PLPPR1: variants seen among roughly 807,000 people sequenced by gnomAD.
The protein encoded by PLPPR1 is phospholipid phosphatase-related protein type 1.
Under a neutral mutation model 33.1 loss-of-function variants are expected in PLPPR1, and 10 were observed. The ratio of observed to expected loss-of-function variants is 0.30; its 90% CI spans 0.19 to 0.51. The LOEUF (loss-of-function observed/expected upper bound fraction) is 0.51, where lower values mean the gene tolerates loss of function less well. PLPPR1 is among the 20% of genes least tolerant of loss of function. PLPPR1 has a pLI of 0.97. For synonymous variants in PLPPR1, 151 were observed against 151.0 expected, an observed-to-expected ratio of 1.00 and a Z score of 0.00; for missense variants, 304 against 408.1, an observed-to-expected ratio of 0.74 and a Z score of 2.20.
At chr9:101,032,600 G>C (rs911798034) in intron 1 of PLPPR1, among the ~76,000 whole-genome samples, 7 of 152,018 alleles carry the variant, frequency 4.6e-5, no homozygotes, top group African/African-American at 1.7e-4. Flanking sequence ...ATGGAGTAGG[G>C]ACCCAATAAA....
intron 1 of PLPPR1, among the ~76,000 whole-genome samples, chr9:101,082,212 T>C (rs1350117236): frequency 1.3e-5 from 2 of 152,200 alleles, no homozygotes; most frequent in Non-Finnish European, 2.9e-5. Context: ...CAATTTCTTG[T>C]TGAAAAAGTG....
At chr9:101,122,335 A>G (rs1831189038) in intron 1 of PLPPR1, among the ~76,000 whole-genome samples, 1 of 152,184 alleles carries the variant, frequency 6.6e-6, no homozygotes, top group African/African-American at 2.4e-5. Context: ...GACTGTCTAC[A>G]ATTGTTGGTT....
At chr9:101,291,267 G>T (rs1828499805) in intron 4 of PLPPR1, among the ~76,000 whole-genome samples, 1 of 152,242 alleles carries the variant, frequency 6.6e-6, no homozygotes, top group South Asian at 2.1e-4. Context: ...GGCTTGCTTA[G>T]GTAAACAAAG....
chr9:101,270,369 T>C (rs1828073577), intron 3 of PLPPR1, among the ~76,000 whole-genome samples: 2 of 152,234 alleles, frequency 1.3e-5, no homozygotes, highest in Non-Finnish European at 1.5e-5. Context: ...AGAACAGCTA[T>C]TGTCCTCTTG....
At chr9:101,320,885 A>G (rs147696389) in intron 7 of PLPPR1, among the ~76,000 whole-genome samples, 94 of 152,234 alleles carry the variant, frequency 6.2e-4, no homozygotes, top group African/African-American at 2.2e-3. Context: ...CCCATCCAAT[A>G]CTGAGGCCCT....
At chr9:101,275,134 C>T (rs1438634143) in intron 3 of PLPPR1, among the ~76,000 whole-genome samples, 2 of 152,154 alleles carry the variant, frequency 1.3e-5, no homozygotes, top group African/African-American at 2.4e-5. Flanking sequence ...TGAAGCGTGA[C>T]GCCTCTTGGG....
At chr9:101,279,365 C>T (rs1411399591) in intron 3 of PLPPR1, among the ~76,000 whole-genome samples, 3 of 152,130 alleles carry the variant, frequency 2.0e-5, no homozygotes, top group Admixed American at 2.0e-4. Context: ...AGAGATAGAC[C>T]TCAATGCAAA....
At chr9:101,082,708 T>A (rs943854362) in intron 1 of PLPPR1, among the ~76,000 whole-genome samples, 1 of 152,182 alleles carries the variant, frequency 6.6e-6, no homozygotes, top group Admixed American at 6.5e-5. Context: ...GCAAGGATTT[T>A]CCAGTCCCAT....
rs1564037364 is a variant in PLPPR1, at chr9:101,317,497, G to C, written c.945+1G>C. ...CCCTCTGGAAACCTTAAGTGCACAG[G>C]TATGGTAAAGCAGTTTTAGCAAACC... On this transcript the variant is annotated splice_donor_variant, in intron 7 of 7. Coordinates refer to ENST00000374874, the MANE Select transcript of PLPPR1 (RefSeq NM_207299.2). LOFTEE classifies it high-confidence loss of function. 2 of 1,612,142 alleles carry C rather than the reference G, an allele frequency of 1.2e-6. No homozygotes were observed. The highest frequency in any genetic ancestry group is 1.7e-6 in the Non-Finnish European group (2 of 1,179,426).
At chr9:101,047,591 A>G (rs1830169065) in intron 1 of PLPPR1, among the ~76,000 whole-genome samples, 1 of 152,124 alleles carries the variant, frequency 6.6e-6, no homozygotes, top group African/African-American at 2.4e-5. Context: ...GTAACCTTAC[A>G]ATGGTATCAT....
chr9:101,094,947 C>T (rs1830796736), intron 1 of PLPPR1, among the ~76,000 whole-genome samples: 1 of 152,184 alleles, frequency 6.6e-6, no homozygotes, highest in African/African-American at 2.4e-5. Flanking sequence ...CCCCCATCCT[C>T]TTCCCTAGTG....
chr9:101,076,642 A>C (rs1830540348), intron 1 of PLPPR1, among the ~76,000 whole-genome samples: 1 of 152,224 alleles, frequency 6.6e-6, no homozygotes, highest in African/African-American at 2.4e-5. Context: ...TAATGTCTTA[A>C]ATAAGGCAGA....
chr9:101,309,248 T>G lies in PLPPR1; in HGVS notation c.423T>G (p.Phe141Leu). The G allele has an allele frequency of 6.2e-7, 1 of 1,614,184 alleles. No homozygotes were observed. The highest frequency in any genetic ancestry group is 8.5e-7 in the Non-Finnish European group (1 of 1,180,012). The change falls in exon 5 of 8, where the codon TTT becomes TTG. Residue 141 changes from phenylalanine (F) to leucine (L), a missense_variant. Physicochemically the swap from Phe to Leu is conservative, Grantham distance 22. Coordinates refer to ENST00000374874, the MANE Select transcript of PLPPR1 (RefSeq NM_207299.2). ...FAFGLFATDI[F>L]VNAGQVVTGH... ...TTGGACTTTTTGCTACTGACATTTTTGTAAACGCCGGACAAGTGGTCACTG... is the reference window on the plus strand; with the variant it reads ...TTGGACTTTTTGCTACTGACATTTTGGTAAACGCCGGACAAGTGGTCACTG...
At chr9:101,176,690 C>T (rs1297664773) in intron 1 of PLPPR1, among the ~76,000 whole-genome samples, 1 of 152,166 alleles carries the variant, frequency 6.6e-6, no homozygotes, top group Non-Finnish European at 1.5e-5. Context: ...TAGACTTCAC[C>T]TTCACATGGC....
intron 2 of PLPPR1, among the ~76,000 whole-genome samples, chr9:101,240,842 G>A (rs1233592435): frequency 6.6e-6 from 1 of 152,040 alleles, no homozygotes; most frequent in African/African-American, 2.4e-5. Context: ...GCCACTTCAG[G>A]CAGATGTAGA....
intron 1 of PLPPR1, among the ~76,000 whole-genome samples, chr9:101,110,286 T>C (rs915490401): frequency 6.6e-6 from 1 of 152,080 alleles, no homozygotes; most frequent in African/African-American, 2.4e-5. Context: ...ACAACAAAAA[T>C]AATACAGTTT....
At chr9:101,079,931 T>A (rs1830598443) in intron 1 of PLPPR1, among the ~76,000 whole-genome samples, 1 of 152,232 alleles carries the variant, frequency 6.6e-6, no homozygotes, top group South Asian at 2.1e-4. Context: ...TGGAAGTTTC[T>A]GGCATCTTTT....
rs748615734 is a variant in PLPPR1 at position 101,181,169 on chromosome 9, A to AAT, written c.-45-4272_-45-4271dup. Among the ~76,000 whole-genome samples, 32 of 147,504 alleles carry AAT rather than the reference A, an allele frequency of 2.2e-4. No homozygotes were observed. In the East Asian group the frequency reaches 5.9e-3, roughly 27 times the overall value. ...TATATTAGATATGTAATATATATCT[A>AAT]ATATATATATTTATAAATTTATATA... On this transcript the variant is annotated intron_variant, in intron 1 of 7. Transcript: ENST00000374874.
chr9:101,208,880 A>G (rs984225649), intron 2 of PLPPR1, among the ~76,000 whole-genome samples: 1 of 152,122 alleles, frequency 6.6e-6, no homozygotes, highest in African/African-American at 2.4e-5. Context: ...GAAAAGAAGG[A>G]TCTAACTTGG....
Sources: allele counts gnomAD v4.1 joint callset (sites outside exome capture counted in the v4.1 genomes callset), GRCh38; gene constraint gnomAD v4.1.1; transcripts MANE v1.5; gene names NCBI Gene and HGNC (gene_info 2026-07-23, HGNC 2026-07-21).